C8orf34: variants seen among roughly 807,000 people sequenced by gnomAD.
C8orf34 encodes the protein chromosome 8 open reading frame 34.
A neutral mutation model predicts 68.3 loss-of-function variants in C8orf34; 65 were observed. That is an observed-to-expected ratio of 0.95 (90% CI 0.78 to 1.17). C8orf34 has a LOEUF of 1.17. C8orf34 is among the 50% of genes most tolerant of loss of function. The pLI is 0.00. For missense variants in C8orf34, 664 were observed against 655.4 expected, an observed-to-expected ratio of 1.01 and a Z score of -0.14; for synonymous variants, 244 against 241.2, an observed-to-expected ratio of 1.01 and a Z score of -0.11.
At chr8:68,403,974 G>A (rs1809074450) in intron 1 of C8orf34, among the ~76,000 whole-genome samples, 1 of 151,468 alleles carries the variant, frequency 6.6e-6, no homozygotes, top group South Asian at 2.1e-4. Context: ...CTTCCACAAT[G>A]GTTTAACACT....
At chr8:68,709,820 T>C (rs1821280460) in intron 9 of C8orf34, among the ~76,000 whole-genome samples, 1 of 152,160 alleles carries the variant, frequency 6.6e-6, no homozygotes, top group Non-Finnish European at 1.5e-5. Context: ...CAATTCAAAA[T>C]GTTTGTTGTA....
intron 1 of C8orf34, among the ~76,000 whole-genome samples, chr8:68,358,930 C>T (rs1239393089): frequency 6.6e-6 from 1 of 151,972 alleles, no homozygotes; most frequent in Non-Finnish European, 1.5e-5. Flanking sequence ...AACGCCTGGC[C>T]TCAAGTGATC....
intron 7 of C8orf34, among the ~76,000 whole-genome samples, chr8:68,573,390 TC>T (rs1214864148): frequency 5.3e-5 from 8 of 152,064 alleles, no homozygotes; most frequent in Admixed American, 5.2e-4. Flanking sequence ...AGACTGCTGG[TC>T]CAAGGAGGAA....
chr8:68,437,312 T>G (rs560774080), intron 1 of C8orf34, among the ~76,000 whole-genome samples: 1 of 152,176 alleles, frequency 6.6e-6, no homozygotes, highest in South Asian at 2.1e-4. Context: ...AAAGGTAAAT[T>G]CAAAAACAAA....
At chr8:68,457,862 AT>A (rs1213977356) in intron 3 of C8orf34, among the ~76,000 whole-genome samples, 1 of 152,100 alleles carries the variant, frequency 6.6e-6, no homozygotes, top group Non-Finnish European at 1.5e-5. Context: ...CCCTGTGGAT[AT>A]TTTTTAAAAC....
intron 10 of C8orf34, among the ~76,000 whole-genome samples, chr8:68,768,011 T>C (rs1361537202): frequency 6.6e-6 from 1 of 152,246 alleles, no homozygotes; most frequent in Non-Finnish European, 1.5e-5. Flanking sequence ...GTAGGGTACT[T>C]GCTTGATTTG....
At chr8:68,759,359 G>A (rs1174127524) in intron 10 of C8orf34, among the ~76,000 whole-genome samples, 1 of 152,166 alleles carries the variant, frequency 6.6e-6, no homozygotes, top group Non-Finnish European at 1.5e-5. Flanking sequence ...AACAACAGTA[G>A]AGGATCTAGT....
intron 7 of C8orf34, among the ~76,000 whole-genome samples, chr8:68,613,692 T>C (rs995693528): frequency 4.6e-5 from 7 of 151,764 alleles, no homozygotes; most frequent in African/African-American, 1.5e-4. Context: ...TCTATCATTG[T>C]TGGACATTTG....
chr8:68,485,497 A>G lies in C8orf34; in HGVS notation c.737-2526A>G, dbSNP rs560953689. On this transcript the variant is annotated intron_variant, in intron 4 of 13. Transcript: ENST00000518698. ...GGGAGGCCCAGGCAGGCGGATCACG[A>G]GGTCAGGAGTTTGAGACCAGCCTGG... 1.2e-3 allele frequency among the ~76,000 whole-genome samples: 180 copies of G among 152,178 alleles called. 1 individual carries two copies. The South Asian group carries it at 0.036, about 30-fold the overall frequency.
chr8:68,654,777 T>C (rs1200072194), intron 8 of C8orf34, among the ~76,000 whole-genome samples: 2 of 152,184 alleles, frequency 1.3e-5, no homozygotes, highest in East Asian at 3.8e-4. Flanking sequence ...AAACAAAATA[T>C]GTTGAAGCAC....
intron 2 of C8orf34, among the ~76,000 whole-genome samples, chr8:68,440,950 A>G (rs1039286203): frequency 1.2e-4 from 18 of 151,878 alleles, no homozygotes; most frequent in African/African-American, 2.7e-4. Flanking sequence ...AACTACAGGC[A>G]CCCGCCACCA....
At chr8:68,490,441 A>G (rs1311922535) in intron 5 of C8orf34, among the ~76,000 whole-genome samples, 1 of 152,076 alleles carries the variant, frequency 6.6e-6, no homozygotes, top group African/African-American at 2.4e-5. Context: ...TAAATTATGG[A>G]TGCCCTGACA....
At chr8:68,681,337 A>G (rs1458260401) in intron 8 of C8orf34, among the ~76,000 whole-genome samples, 1 of 152,198 alleles carries the variant, frequency 6.6e-6, no homozygotes, top group Non-Finnish European at 1.5e-5. Flanking sequence ...ATAAATGTCC[A>G]TATTAAAATG....
chr8:68,489,130 T>C (rs1217881564), intron 5 of C8orf34, among the ~76,000 whole-genome samples: 1 of 152,224 alleles, frequency 6.6e-6, no homozygotes, highest in Admixed American at 6.5e-5. Context: ...ATGTATGGCT[T>C]AATTGAAAAC....
intron 7 of C8orf34, chr8:68,625,543 G>T: frequency 1.5e-6 from 1 of 688,774 alleles, no homozygotes; most frequent in Non-Finnish European, 2.6e-6. Context: ...TAAGGGATGA[G>T]AACAGCATGT....
intron 4 of C8orf34, among the ~76,000 whole-genome samples, chr8:68,479,664 A>G (rs1467640370): frequency 6.6e-6 from 1 of 152,032 alleles, no homozygotes; most frequent in Non-Finnish European, 1.5e-5. Context: ...TTTGAGGGGG[A>G]TGAAGGGTCA....
chr8:68,407,323 C>G (rs898185119), intron 1 of C8orf34, among the ~76,000 whole-genome samples: 13 of 151,680 alleles, frequency 8.6e-5, no homozygotes, highest in Admixed American at 6.6e-4. Context: ...ATTCCCTGGC[C>G]CCCCATTTGA....
chr8:68,371,452 C>A (rs1807557755), intron 1 of C8orf34, among the ~76,000 whole-genome samples: 1 of 151,876 alleles, frequency 6.6e-6, no homozygotes, highest in Non-Finnish European at 1.5e-5. Context: ...TTATAAGAAA[C>A]AAAAGATTAT....
intron 7 of C8orf34, chr8:68,535,694 T>C: frequency 1.2e-6 from 1 of 802,750 alleles, no homozygotes; most frequent in South Asian, 5.7e-5. Context: ...AATATTATAG[T>C]ACAACACCTG....
Sources: gnomAD v4.1 joint callset for allele counts (sites outside exome capture counted in the v4.1 genomes callset) on GRCh38, gnomAD v4.1.1 for gene constraint, MANE v1.5 for transcripts, NCBI Gene and HGNC (gene_info 2026-07-23, HGNC 2026-07-21) for gene names.